Variants in RAPGEF4 observed in about 807,000 individuals in gnomAD.
RAPGEF4 encodes the protein RAP guanine-nucleotide-exchange factor (GEF) 4.
Under a neutral mutation model 147.9 loss-of-function variants are expected in RAPGEF4, and 66 were observed. That is an observed-to-expected ratio of 0.45 (90% CI 0.37 to 0.55). RAPGEF4 has a LOEUF of 0.55. RAPGEF4 is among the 20% of genes least tolerant of loss of function. The pLI, the probability that RAPGEF4 is intolerant of heterozygous loss-of-function variation, is 0.00. For synonymous variants in RAPGEF4, 419 were observed against 442.7 expected (o/e 0.95, Z 0.67); for missense variants, 1,071 against 1,257.3 (o/e 0.85, Z 2.24).
At chr2:172,768,101 C>T (rs1048282858) in intron 1 of RAPGEF4, among the ~76,000 whole-genome samples, 10 of 152,120 alleles carry the variant, frequency 6.6e-5, no homozygotes, top group East Asian at 1.9e-4. Flanking sequence ...CATGAGCCAC[C>T]GCGCCTGGCC....
At chr2:172,997,666 T>A (rs1386475002) in intron 16 of RAPGEF4, among the ~76,000 whole-genome samples, 1 of 152,158 alleles carries the variant, frequency 6.6e-6, no homozygotes, top group Non-Finnish European at 1.5e-5. Flanking sequence ...AATCCTATGC[T>A]ACTGCCTGTC....
intron 4 of RAPGEF4, among the ~76,000 whole-genome samples, chr2:172,877,337 G>T (rs1696073366): frequency 6.6e-6 from 1 of 152,056 alleles, no homozygotes; most frequent in Non-Finnish European, 1.5e-5. Context: ...TGGACACAGG[G>T]AGGGGAACAT....
chr2:172,833,267 T>TG (rs897259059), intron 4 of RAPGEF4, among the ~76,000 whole-genome samples: 1 of 151,346 alleles, frequency 6.6e-6, no homozygotes, highest in African/African-American at 2.4e-5. Flanking sequence ...TGGGTTTTTT[T>TG]TTTTTTTTTT....
Position 173,017,190 on chromosome 2 carries a change from G to A in RAPGEF4, c.1915G>A (p.Ala639Thr). Residue 639 changes from alanine (A) to threonine (T), a missense_variant, in exon 20 of 31, where the codon GCA becomes ACA. Physicochemically the swap from Ala to Thr is moderately conservative, Grantham distance 58. Coordinates refer to ENST00000397081, the MANE Select transcript of RAPGEF4 (RefSeq NM_007023.4). The stretch of plus-strand genomic sequence containing the variant: ...TTCTCGTAGCTCAGAAGATGCAAAG[G>A]CACCACAAAAGAAGGTAGGTGGCAT... ...IVKQISEDAKAPQKKHKVLLQ... is the reference protein window; with the variant it reads ...IVKQISEDAKTPQKKHKVLLQ... The A allele has an allele frequency of 6.2e-7, 1 of 1,613,554 alleles. No homozygotes were observed. Among genetic ancestry groups the A allele is most frequent in the Admixed American group, 1.7e-5 (1 of 60,028 alleles).
At chr2:172,806,518 A>G (rs1359977942) in intron 3 of RAPGEF4, among the ~76,000 whole-genome samples, 1 of 152,266 alleles carries the variant, frequency 6.6e-6, no homozygotes, top group African/African-American at 2.4e-5. Flanking sequence ...AGCCTGGGAT[A>G]GAGGCAGAGG....
At chr2:172,863,928 T>G (rs1023661776) in intron 4 of RAPGEF4, among the ~76,000 whole-genome samples, 12 of 152,310 alleles carry the variant, frequency 7.9e-5, no homozygotes, top group African/African-American at 2.6e-4. Context: ...AAGCAATGAC[T>G]ATATAAGCAG....
At chr2:172,848,251 G>C (rs950856037) in intron 4 of RAPGEF4, among the ~76,000 whole-genome samples, 12 of 152,056 alleles carry the variant, frequency 7.9e-5, no homozygotes, top group Non-Finnish European at 1.3e-4. Flanking sequence ...AGTGACACCT[G>C]GTTCTAATCT....
chr2:173,038,186 T>C (rs796342973), intron 29 of RAPGEF4, among the ~76,000 whole-genome samples: 5 of 152,338 alleles, frequency 3.3e-5, no homozygotes, highest in African/African-American at 1.2e-4. Context: ...CTTACTCCTG[T>C]GTCAATTTAA....
At chr2:172,761,906 G>A (rs1030937876) in intron 1 of RAPGEF4, among the ~76,000 whole-genome samples, 2 of 151,908 alleles carry the variant, frequency 1.3e-5, no homozygotes, top group Non-Finnish European at 2.9e-5. Flanking sequence ...GGTGGATCAC[G>A]AGGTCAGGAG....
intron 1 of RAPGEF4, among the ~76,000 whole-genome samples, chr2:172,773,055 G>A (rs1683786893): frequency 2.0e-5 from 3 of 152,166 alleles, no homozygotes; most frequent in Admixed American, 2.0e-4. Context: ...GGCCCACCCA[G>A]AAATGCAGTG....
chr2:172,825,351 T>C (rs1689552681), intron 4 of RAPGEF4, among the ~76,000 whole-genome samples: 1 of 152,250 alleles, frequency 6.6e-6, no homozygotes, highest in South Asian at 2.1e-4. Context: ...ACTTGAAGTA[T>C]AGTTTCTACT....
chr2:173,016,405 A>G lies in RAPGEF4; in HGVS notation c.1866A>G (p.Gln622=). 6.2e-7 allele frequency: 1 copy of G among 1,613,464 alleles called. No individual in the cohort carries two copies. Among genetic ancestry groups the G allele is most frequent in the Non-Finnish European group, 8.5e-7 (1 of 1,179,384 alleles). ...DARMIAALKE[Q]LPELEKIVKQ... is the part of the protein sequence containing the mutation. ...GGATGATTGCTGCCCTCAAGGAGCA[A>G]CTGCCAGAGTTGGAGAAGATTGTCA... is the stretch of plus-strand genomic sequence containing the variant. Residue 622 remains glutamine, a synonymous_variant, in exon 19 of 31, where the codon CAA becomes CAG. Coordinates refer to ENST00000397081, the MANE Select transcript of RAPGEF4 (RefSeq NM_007023.4).
At chr2:172,940,453 G>A (rs1354025132) in intron 6 of RAPGEF4, among the ~76,000 whole-genome samples, 2 of 151,942 alleles carry the variant, frequency 1.3e-5, no homozygotes, top group Non-Finnish European at 2.9e-5. Flanking sequence ...CATGAGATCA[G>A]GTCATTTAAA....
intron 1 of RAPGEF4, among the ~76,000 whole-genome samples, chr2:172,738,989 C>A (rs1012227336): frequency 6.6e-6 from 1 of 152,108 alleles, no homozygotes; most frequent in African/African-American, 2.4e-5. Context: ...ACAATATTTG[C>A]AAGTGGGGAA....
intron 6 of RAPGEF4, among the ~76,000 whole-genome samples, chr2:172,926,951 C>T (rs563337004): frequency 1.9e-4 from 29 of 152,252 alleles, no homozygotes; most frequent in Admixed American, 2.6e-4. Context: ...AATGCTTTCT[C>T]GCTATAAATC....
At chr2:173,021,922 C>T (rs563181465) in intron 23 of RAPGEF4, among the ~76,000 whole-genome samples, 1 of 152,338 alleles carries the variant, frequency 6.6e-6, no homozygotes, top group South Asian at 2.1e-4. Context: ...CATAAGCACG[C>T]TCACCTTTCC....
At chr2:173,022,911 A>G (rs1265439884) in intron 23 of RAPGEF4, among the ~76,000 whole-genome samples, 2 of 152,218 alleles carry the variant, frequency 1.3e-5, no homozygotes, top group African/African-American at 4.8e-5. Flanking sequence ...GTATAATGTG[A>G]TTCTACTTTT....
At chr2:172,983,347 A>G (rs1691882604) in intron 10 of RAPGEF4, 149 bp from the exon 11 acceptor site, 2 of 1,415,566 alleles carry the variant, frequency 1.4e-6, no homozygotes, top group Non-Finnish European at 1.9e-6. Context: ...CCCTTTAGGC[A>G]TTATACTGGT....
At chr2:173,029,499 A>G (rs1242236449) in intron 25 of RAPGEF4, among the ~76,000 whole-genome samples, 1 of 152,226 alleles carries the variant, frequency 6.6e-6, no homozygotes, top group Non-Finnish European at 1.5e-5. Flanking sequence ...CTCATTCCCA[A>G]ACATATATTC....
Sources: allele counts gnomAD v4.1 joint callset (sites outside exome capture counted in the v4.1 genomes callset), GRCh38; gene constraint gnomAD v4.1.1; transcripts MANE v1.5; gene names NCBI Gene and HGNC (gene_info 2026-07-23, HGNC 2026-07-21).